The following GUCD1 variants were observed in gnomAD, a reference collection of about 807,000 sequenced individuals.
The protein encoded by GUCD1 is guanylyl cyclase domain containing 1, also known as protein GUCD1.
A neutral mutation model predicts 28.3 loss-of-function variants in GUCD1; 17 were observed. That is an observed-to-expected ratio of 0.60 (90% CI 0.41 to 0.90). The LOEUF (loss-of-function observed/expected upper bound fraction) is 0.90, where lower values mean the gene tolerates loss of function less well. Among genes scored for constraint, GUCD1 ranks in the 40% least tolerant of loss-of-function variants. The probability of loss-of-function intolerance (pLI) is 0.00; values close to 1 mark genes in which losing one functional copy is unlikely to be tolerated. For synonymous variants in GUCD1, 129 were observed against 123.3 expected, an observed-to-expected ratio of 1.05 and a Z score of -0.30; for missense variants, 279 against 305.5, an observed-to-expected ratio of 0.91 and a Z score of 0.65.
At chr22:24,552,741 G>T (rs2044913808) in intron 1 of GUCD1, among the ~76,000 whole-genome samples, 1 of 151,012 alleles carries the variant, frequency 6.6e-6, no homozygotes, top group African/African-American at 2.4e-5. Flanking sequence ...CTGCACTACA[G>T]CCTGGGCGAC....
intron 1 of GUCD1, among the ~76,000 whole-genome samples, chr22:24,549,223 T>C (rs1405018651): frequency 6.6e-6 from 1 of 152,210 alleles, no homozygotes; most frequent in African/African-American, 2.4e-5. Context: ...AATCCTCCAG[T>C]GAGCTGGGTC....
chr22:24,549,800 G>A (rs1020123055), intron 1 of GUCD1, among the ~76,000 whole-genome samples: 1 of 152,134 alleles, frequency 6.6e-6, no homozygotes, highest in African/African-American at 2.4e-5. Context: ...GATTACAGGC[G>A]TGAGCCATTC....
chr22:24,546,121 C>A (rs140275879), intron 4 of GUCD1, among the ~76,000 whole-genome samples: 9,615 of 151,844 alleles, frequency 0.063, 751 homozygotes, highest in African/African-American at 0.19. Context: ...GCCACCACGC[C>A]CGACTAATTT....
intron 1 of GUCD1, 81 bp downstream of exon 1, chr22:24,554,868 C>T: frequency 8.6e-7 from 1 of 1,166,254 alleles, no homozygotes; most frequent in Non-Finnish European, 1.2e-6. Flanking sequence ...CCCAAGGTCG[C>T]GCGACTGGAC....
intron 2 of GUCD1, 88 bp downstream of exon 2, chr22:24,548,829 G>A (rs1042599549): frequency 8.1e-6 from 8 of 983,174 alleles, no homozygotes; most frequent in African/African-American, 4.9e-5. Flanking sequence ...TAGCTACATG[G>A]ACCATGGATC....
upstream of GUCD1, chr22:24,555,141 G>A (rs1164664430): frequency 4.6e-6 from 6 of 1,302,088 alleles, no homozygotes; most frequent in Non-Finnish European, 4.9e-6. Context: ...CGGCGGCTGG[G>A]CCGCCCCAAG....
upstream of GUCD1, chr22:24,555,231 G>A: frequency 7.7e-7 from 1 of 1,302,692 alleles, no homozygotes; most frequent in Non-Finnish European, 9.7e-7. Flanking sequence ...TGATCTTAGA[G>A]GTCCCCAGCC....
intron 4 of GUCD1, 118 bp from the exon 5 acceptor site, chr22:24,544,201 T>C: frequency 7.0e-7 from 1 of 1,422,892 alleles, no homozygotes; most frequent in East Asian, 2.3e-5. Flanking sequence ...TCCTTTTCCC[T>C]TTGCCCTGAA....
chr22:24,552,907 C>G (rs2044920751), intron 1 of GUCD1, among the ~76,000 whole-genome samples: 1 of 152,180 alleles, frequency 6.6e-6, no homozygotes, highest in Non-Finnish European at 1.5e-5. Context: ...TCAAGGGATC[C>G]TCTGACCTTA....
chr22:24,555,605 C>A (rs985420907), upstream of GUCD1: 7 of 1,549,530 alleles, frequency 4.5e-6, no homozygotes, highest in Admixed American at 3.9e-5. Flanking sequence ...TCACTCAGGG[C>A]CCCCCTTACC....
At chr22:24,555,762 G>A (rs1156468964), upstream of GUCD1, 23 of 1,550,424 alleles carry the variant, frequency 1.5e-5, no homozygotes, top group Admixed American at 2.0e-5. Context: ...TTGGAAGTGT[G>A]AGCACCCTCT....
chr22:24,549,058 C>A, intron 1 of GUCD1, 57 bp from the exon 2 acceptor site: 1 of 1,241,634 alleles, frequency 8.1e-7, no homozygotes, highest in South Asian at 1.3e-5. Context: ...CCACTCCCAC[C>A]CTCATGGGAG....
At chr22:24,555,764 G>A (rs1327800478), upstream of GUCD1, 3 of 1,550,408 alleles carry the variant, frequency 1.9e-6, no homozygotes, top group African/African-American at 4.1e-5. Flanking sequence ...GGAAGTGTGA[G>A]CACCCTCTCT....
chr22:24,543,872 T>C lies in GUCD1; in HGVS notation c.598A>G (p.Ile200Val). Reference protein sequence around the residue: ...LRGYNRATGCIFYNNPAYADR... With the variant: ...LRGYNRATGCVFYNNPAYADR... Reference sequence around the variant, plus strand: ...GCATAGGCTGGGTTGTTGTAGAAGATGCAGCCAGTGGCCCGGTTGTAGCCA... The same window carrying C: ...GCATAGGCTGGGTTGTTGTAGAAGACGCAGCCAGTGGCCCGGTTGTAGCCA... Residue 200 changes from isoleucine to valine, a missense_variant, in exon 5 of 6, where the codon ATC becomes GTC. Coordinates refer to ENST00000435822, the MANE Select transcript of GUCD1 (RefSeq NM_001284254.2). 2 of 1,613,994 alleles carry C rather than the reference T, an allele frequency of 1.2e-6. No homozygotes were observed. The highest frequency in any genetic ancestry group is 1.7e-5 in the Admixed American group (1 of 60,012).
intron 1 of GUCD1, among the ~76,000 whole-genome samples, chr22:24,549,597 C>T (rs764929972): frequency 4.6e-5 from 7 of 152,220 alleles, no homozygotes; most frequent in Middle Eastern, 6.8e-3. Flanking sequence ...CTGCAACCTG[C>T]GATTCCCGGG....
At chr22:24,555,861 G>C, upstream of GUCD1, 3 of 1,528,622 alleles carry the variant, frequency 2.0e-6, no homozygotes, top group Non-Finnish European at 2.6e-6. Flanking sequence ...TATCGTACTG[G>C]TGCCCTAGTT....
At chr22:24,547,292 G>T in intron 3 of GUCD1, 1 of 401,438 alleles carries the variant, frequency 2.5e-6, no homozygotes, top group Non-Finnish European at 4.7e-6. Context: ...CCTTGGGCTT[G>T]TACACTCTGG....
intron 1 of GUCD1, among the ~76,000 whole-genome samples, chr22:24,549,522 CTTTTT>C (rs1194809212): frequency 1.3e-5 from 2 of 151,956 alleles, no homozygotes; most frequent in African/African-American, 4.8e-5. Flanking sequence ...GAGTCTTTTT[CTTTTT>C]TTTCAACAGG....
In GUCD1 at chr22:24,543,958, G is replaced by A. The variant is rs372711905; in HGVS notation, c.512C>T (p.Pro171Leu). 4 of 1,613,934 alleles carry A rather than the reference G, an allele frequency of 2.5e-6. No homozygotes were observed. The highest frequency in any genetic ancestry group is 3.4e-6 in the Non-Finnish European group (4 of 1,179,982). ...SSPVKYCCFT[P>L]SGHHCFCRTP... ...GCGGCAGAAGCAGTGGTGGCCACTG[G>A]GGGTGAAGCAGCAGTACTTGACAGG... Residue 171 changes from proline (P) to leucine (L), a missense_variant, in exon 5 of 6, where the codon CCC (proline) becomes CTC (leucine). Transcript: ENST00000435822.
Sources: allele counts gnomAD v4.1 joint callset (sites outside exome capture counted in the v4.1 genomes callset), GRCh38; gene constraint gnomAD v4.1.1; transcripts MANE v1.5; gene names NCBI Gene and HGNC (gene_info 2026-07-23, HGNC 2026-07-21).